Variants in MAPKAP1 observed in about 807,000 individuals in gnomAD.
The protein encoded by MAPKAP1 is MAPK associated protein 1.
MAPKAP1 carries 20 observed loss-of-function variants against 65.7 expected under a neutral mutation model. That is an observed-to-expected ratio of 0.30 (90% CI 0.21 to 0.44). The LOEUF (loss-of-function observed/expected upper bound fraction) is 0.44, where lower values mean the gene tolerates loss of function less well. Among genes scored for constraint, MAPKAP1 ranks in the 20% least tolerant of loss-of-function variants. The pLI, the probability that MAPKAP1 is intolerant of heterozygous loss-of-function variation, is 1.00. For missense variants in MAPKAP1, 423 were observed against 648.0 expected (o/e 0.65, Z 3.77); for synonymous variants, 222 against 244.3 (o/e 0.91, Z 0.85).
chr9:125,683,104 C>T (rs1834872672), intron 1 of MAPKAP1, among the ~76,000 whole-genome samples: 1 of 151,822 alleles, frequency 6.6e-6, no homozygotes, highest in African/African-American at 2.4e-5. Context: ...TATAGGTGCC[C>T]GCCACCACGC....
chr9:125,673,334 C>A (rs1465328515), intron 1 of MAPKAP1, among the ~76,000 whole-genome samples: 1 of 152,162 alleles, frequency 6.6e-6, no homozygotes, highest in Non-Finnish European at 1.5e-5. Context: ...GTTCAAGATT[C>A]TCCGGCCTCA....
At chr9:125,525,921 C>T (rs566623398) in intron 7 of MAPKAP1, among the ~76,000 whole-genome samples, 3 of 152,222 alleles carry the variant, frequency 2.0e-5, no homozygotes, top group East Asian at 1.9e-4. Flanking sequence ...TCTTCTGATC[C>T]GCAACAGCCA....
At chr9:125,643,248 G>A (rs1833631759) in intron 4 of MAPKAP1, among the ~76,000 whole-genome samples, 1 of 151,560 alleles carries the variant, frequency 6.6e-6, no homozygotes, top group Non-Finnish European at 1.5e-5. Flanking sequence ...AGGCTGGAGT[G>A]CAATGGTGCA....
At chr9:125,700,868 A>C (rs1835574748) in intron 1 of MAPKAP1, among the ~76,000 whole-genome samples, 1 of 152,238 alleles carries the variant, frequency 6.6e-6, no homozygotes, top group Non-Finnish European at 1.5e-5. Context: ...CTCCCTGACC[A>C]TATTTCTCTC....
intron 8 of MAPKAP1, among the ~76,000 whole-genome samples, chr9:125,496,226 T>G (rs1029667535): frequency 2.0e-5 from 3 of 152,192 alleles, no homozygotes; most frequent in African/African-American, 7.2e-5. Flanking sequence ...CTCACAGGTA[T>G]GTGGCGAATA....
chr9:125,644,841 T>C (rs1267617690), intron 4 of MAPKAP1, among the ~76,000 whole-genome samples: 1 of 152,264 alleles, frequency 6.6e-6, no homozygotes, highest in Non-Finnish European at 1.5e-5. Flanking sequence ...TATCCATTTC[T>C]AGTTCTACAT....
chr9:125,628,027 G>A (rs1833163523), intron 4 of MAPKAP1, among the ~76,000 whole-genome samples: 1 of 152,168 alleles, frequency 6.6e-6, no homozygotes, highest in Non-Finnish European at 1.5e-5. Context: ...AGGGTCTGTG[G>A]AGTTGCTGGT....
chr9:125,506,797 T>C (rs1357279055), intron 7 of MAPKAP1, among the ~76,000 whole-genome samples: 1 of 152,188 alleles, frequency 6.6e-6, no homozygotes, highest in African/African-American at 2.4e-5. Context: ...AGAGGTGATG[T>C]AGGAAAAATG....
In MAPKAP1 at chr9:125,543,061, G is replaced by A; in HGVS notation, c.956C>T (p.Ser319Leu). 1 of 1,603,002 alleles carries A rather than the reference G, an allele frequency of 6.2e-7. No homozygotes were observed. The highest frequency in any genetic ancestry group is 8.5e-7 in the Non-Finnish European group (1 of 1,169,876). Residue 319 changes from serine (S) to leucine (L), a missense_variant and splice_region_variant, in exon 7 of 12, where the codon TCA becomes TTA. Ser to Leu is a moderately radical substitution (Grantham distance 145). Coordinates refer to ENST00000265960, the MANE Select transcript of MAPKAP1 (RefSeq NM_001006617.3). ...AGAATATGATTTAACTATCCCACCTGAAACTTTCTGGGATCCTTTTCTTCG... is the reference window on the plus strand; with the variant it reads ...AGAATATGATTTAACTATCCCACCTAAAACTTTCTGGGATCCTTTTCTTCG... ...VKRRKGSQKV[S>L]GPQYRLEKQS...
intron 10 of MAPKAP1, among the ~76,000 whole-genome samples, chr9:125,464,713 G>A (rs148226709): frequency 2.5e-4 from 38 of 152,296 alleles, no homozygotes; most frequent in Middle Eastern, 3.4e-3. Context: ...TGTTGTTTAC[G>A]AAGCACGGCT....
At chr9:125,462,135 T>C (rs1853520279) in intron 10 of MAPKAP1, among the ~76,000 whole-genome samples, 1 of 152,246 alleles carries the variant, frequency 6.6e-6, no homozygotes, top group Non-Finnish European at 1.5e-5. Context: ...CACATGCGTG[T>C]GTTCTCTGCT....
At chr9:125,596,980 A>AT (rs1832146365) in intron 4 of MAPKAP1, among the ~76,000 whole-genome samples, 2 of 150,928 alleles carry the variant, frequency 1.3e-5, no homozygotes, top group South Asian at 4.2e-4. Context: ...AAAAAAAAAA[A>AT]AGGCCAGGCG....
intron 4 of MAPKAP1, among the ~76,000 whole-genome samples, chr9:125,625,425 AC>A (rs1353721679): frequency 2.0e-5 from 3 of 152,056 alleles, no homozygotes; most frequent in African/African-American, 2.4e-5. Flanking sequence ...AAACAAAAAA[AC>A]AAAACAAAAC....
chr9:125,576,305 T>C (rs750443595), intron 5 of MAPKAP1, among the ~76,000 whole-genome samples: 1 of 152,178 alleles, frequency 6.6e-6, no homozygotes, highest in African/African-American at 2.4e-5. Context: ...TAATATTGGT[T>C]CATCAACTTT....
At chr9:125,521,879 C>T (rs1417301472) in intron 7 of MAPKAP1, 2 of 878,884 alleles carry the variant, frequency 2.3e-6, no homozygotes, top group South Asian at 3.2e-5. Flanking sequence ...AGCTTAGAGC[C>T]AATTGTTTTC....
intron 10 of MAPKAP1, among the ~76,000 whole-genome samples, chr9:125,464,970 C>G (rs760033840): frequency 5.3e-5 from 8 of 152,142 alleles, no homozygotes; most frequent in Non-Finnish European, 1.2e-4. Flanking sequence ...AAAATTCTGA[C>G]AAACATGTCT....
At chr9:125,443,318 G>A (rs866817289) in intron 11 of MAPKAP1, among the ~76,000 whole-genome samples, 16 of 152,312 alleles carry the variant, frequency 1.1e-4, no homozygotes, top group Non-Finnish European at 2.2e-4. Context: ...TACAGGTGGG[G>A]ACACTGAGTC....
Position 125,438,407 on chromosome 9 carries a change from G to C in MAPKAP1, c.*480C>G, listed in dbSNP as rs1256355323. On this transcript the variant is annotated 3_prime_UTR_variant, in exon 12 of 12. Transcript: ENST00000265960. ...AATCTGCCTGTTCAATATGGGAACAGATTTTAAAGAGAGTAACATAATCAA... is the reference window on the plus strand; with the variant it reads ...AATCTGCCTGTTCAATATGGGAACACATTTTAAAGAGAGTAACATAATCAA... 1 of 399,296 alleles carries C rather than the reference G, an allele frequency of 2.5e-6. No homozygotes were observed. Among genetic ancestry groups the C allele is most frequent in the East Asian group, 3.6e-5 (1 of 28,090 alleles). 24.7% of individuals were successfully genotyped at this position (399,296 alleles called of 1,614,324 possible).
chr9:125,577,334 T>C (rs1264995279), intron 5 of MAPKAP1, among the ~76,000 whole-genome samples: 5 of 149,910 alleles, frequency 3.3e-5, no homozygotes, highest in African/African-American at 9.9e-5. Context: ...AGCCACCCCG[T>C]CTGGTAAGTG....
Sources: allele counts gnomAD v4.1 joint callset (sites outside exome capture counted in the v4.1 genomes callset), GRCh38; gene constraint gnomAD v4.1.1; transcripts MANE v1.5; gene names NCBI Gene and HGNC (gene_info 2026-07-23, HGNC 2026-07-21).